Variants in COL23A1 observed in about 807,000 individuals in gnomAD.
The protein encoded by COL23A1 is collagen type XXIII alpha 1 chain, also known as collagen alpha-1(XXIII) chain.
Under a neutral mutation model 99.3 loss-of-function variants are expected in COL23A1, and 97 were observed. That is an observed-to-expected ratio of 0.98 (90% CI 0.83 to 1.16). The LOEUF (loss-of-function observed/expected upper bound fraction) is 1.16. Among genes scored for constraint, COL23A1 ranks in the 50% most tolerant of loss-of-function variants. COL23A1 has a pLI of 0.00. For synonymous variants in COL23A1, 320 were observed against 308.2 expected, an observed-to-expected ratio of 1.04 and a Z score of -0.40; for missense variants, 762 against 757.4, an observed-to-expected ratio of 1.01 and a Z score of -0.07.
chr5:178,557,909 C>T (rs1379488217), intron 2 of COL23A1, among the ~76,000 whole-genome samples: 1 of 152,000 alleles, frequency 6.6e-6, no homozygotes, highest in Non-Finnish European at 1.5e-5. Context: ...AAAGTGCAGG[C>T]ATGGACAGGG....
At chr5:178,413,666 T>C (rs1765160795) in intron 2 of COL23A1, among the ~76,000 whole-genome samples, 1 of 152,160 alleles carries the variant, frequency 6.6e-6, no homozygotes, top group South Asian at 2.1e-4. Context: ...CCAGATGAGA[T>C]GGATCACAGG....
intron 1 of COL23A1, among the ~76,000 whole-genome samples, chr5:178,587,234 C>T (rs1297496150): frequency 3.3e-5 from 5 of 152,252 alleles, no homozygotes; most frequent in East Asian, 1.9e-4. Flanking sequence ...AGTGAAGATA[C>T]GATCGTTCAT....
intron 2 of COL23A1, chr5:178,351,071 G>C (rs866057641): frequency 6.6e-6 from 1 of 152,242 alleles, no homozygotes; most frequent in Admixed American, 6.5e-5. Flanking sequence ...GGAAAGTCAC[G>C]CTTCGCAGCT....
rs150996079 is a variant in COL23A1, at chr5:178,423,995, A to G, written c.362-117076T>C. 4.6e-5 allele frequency among the ~76,000 whole-genome samples: 7 copies of G among 152,296 alleles called. No homozygotes were observed. In the East Asian group the frequency reaches 1.3e-3, roughly 29 times the overall value. ...CCATTTTACAGATGAGGAAATTGAC[A>G]CTTGGAAGAATTAAGTGACTTTCTC... On this transcript the variant is annotated intron_variant, in intron 2 of 28. Coordinates refer to ENST00000390654, the MANE Select transcript of COL23A1 (RefSeq NM_173465.4).
intron 2 of COL23A1, among the ~76,000 whole-genome samples, chr5:178,358,491 GTGTATGCGTGTATA>G (rs1425480746): frequency 2.5e-3 from 358 of 140,748 alleles, no homozygotes; most frequent in Non-Finnish European, 3.0e-3. Flanking sequence ...ATATATGTGT[GTGTATGCGTGTATA>G]TGTGTGTATG....
intron 2 of COL23A1, among the ~76,000 whole-genome samples, chr5:178,422,808 G>T (rs759240982): frequency 6.6e-6 from 1 of 152,096 alleles, no homozygotes; most frequent in Non-Finnish European, 1.5e-5. Context: ...CATTATAATT[G>T]TAGTATAATT....
At chr5:178,388,585 C>G (rs1047158784) in intron 2 of COL23A1, among the ~76,000 whole-genome samples, 39 of 152,198 alleles carry the variant, frequency 2.6e-4, no homozygotes, top group African/African-American at 9.2e-4. Flanking sequence ...GCTTGTCTCT[C>G]CCACTGCCTG....
Position 178,494,752 on chromosome 5 carries a change from T to G in COL23A1, c.361+65930A>C, listed in dbSNP as rs1758110437. Among the ~76,000 whole-genome samples, 3 of 152,236 alleles carry G rather than the reference T, an allele frequency of 2.0e-5. No individual in the cohort carries two copies. In the East Asian group the frequency reaches 5.8e-4, roughly 29 times the overall value. On this transcript the variant is annotated intron_variant, in intron 2 of 28. Transcript: ENST00000390654. ...GCTCCCCGGTACATCCCTAACACCTTCAAACAGCCCCTTTCCACCTCATCC... is the reference window on the plus strand; with the variant it reads ...GCTCCCCGGTACATCCCTAACACCTGCAAACAGCCCCTTTCCACCTCATCC...
chr5:178,344,711 A>T, intron 2 of COL23A1: 2 of 333,598 alleles, frequency 6.0e-6, no homozygotes, highest in South Asian at 6.0e-5. Context: ...TGTTTGATCT[A>T]CAGTTGGTTG....
intron 2 of COL23A1, among the ~76,000 whole-genome samples, chr5:178,498,205 A>AATACAT (rs1758296243): frequency 2.9e-5 from 1 of 34,708 alleles, no homozygotes; most frequent in Non-Finnish European, 5.5e-5. Context: ...TCTTTATTTA[A>AATACAT]ATATATATAT....
rs142023816 is a variant in COL23A1, at chr5:178,568,118, C to T, written c.295-7370G>A. Among the ~76,000 whole-genome samples, 1,015 of 152,322 alleles carry T rather than the reference C, an allele frequency of 6.7e-3. 10 individuals are homozygous for T. Among genetic ancestry groups the T allele is most frequent in the South Asian group, 0.032 (153 of 4,830 alleles). ...CTCAGTGGTATTCTTTCCAAATGCT[C>T]CTCATGAGAAGTATTAGACTATCCC... On this transcript the variant is annotated intron_variant, in intron 1 of 28. Coordinates refer to ENST00000390654, the MANE Select transcript of COL23A1 (RefSeq NM_173465.4).
chr5:178,432,678 G>A (rs1304183304), intron 2 of COL23A1, among the ~76,000 whole-genome samples: 1 of 152,164 alleles, frequency 6.6e-6, no homozygotes, highest in African/African-American at 2.4e-5. Context: ...GGGAGAGGAT[G>A]CTGGGCAGAA....
chr5:178,547,506 C>G (rs1761663567), intron 2 of COL23A1, among the ~76,000 whole-genome samples: 1 of 138,862 alleles, frequency 7.2e-6, no homozygotes, highest in Admixed American at 7.2e-5. Context: ...TCCCCATACA[C>G]ACCCCCACAC....
intron 2 of COL23A1, among the ~76,000 whole-genome samples, chr5:178,553,310 T>C (rs1762106488): frequency 6.6e-6 from 1 of 152,186 alleles, no homozygotes. Context: ...ACATTTTCCA[T>C]AAACTATCAA....
chr5:178,493,948 G>A (rs1423567253), intron 2 of COL23A1, among the ~76,000 whole-genome samples: 1 of 152,204 alleles, frequency 6.6e-6, no homozygotes, highest in Non-Finnish European at 1.5e-5. Flanking sequence ...TCCCAGAACA[G>A]ACTTTTATTA....
intron 2 of COL23A1, among the ~76,000 whole-genome samples, chr5:178,551,156 ATATAT>A (rs1047865743): frequency 3.0e-4 from 45 of 148,242 alleles, no homozygotes; most frequent in Admixed American, 9.5e-4. Flanking sequence ...ATTATATGTT[ATATAT>A]TATATTAATA....
At chr5:178,485,416 C>T (rs1000598464) in intron 2 of COL23A1, among the ~76,000 whole-genome samples, 16 of 151,416 alleles carry the variant, frequency 1.1e-4, no homozygotes, top group South Asian at 2.1e-4. Context: ...TTGAGGCTAC[C>T]GTGACCTAGG....
intron 2 of COL23A1, among the ~76,000 whole-genome samples, chr5:178,547,218 G>A (rs902555715): frequency 6.6e-5 from 10 of 151,932 alleles, no homozygotes; most frequent in African/African-American, 7.3e-5. Context: ...CGCCAGCACC[G>A]AGCTAAATGC....
chr5:178,403,138 TAAA>T (rs1764562590), intron 2 of COL23A1, among the ~76,000 whole-genome samples: 1 of 94,746 alleles, frequency 1.1e-5, no homozygotes, highest in East Asian at 4.0e-4. Flanking sequence ...AAATAAAAAA[TAAA>T]TACCATTTAC....
Sources: allele counts gnomAD v4.1 joint callset (sites outside exome capture counted in the v4.1 genomes callset), GRCh38; gene constraint gnomAD v4.1.1; transcripts MANE v1.5; gene names NCBI Gene and HGNC (gene_info 2026-07-23, HGNC 2026-07-21).